The following PRIM2 variants were observed in gnomAD, a reference collection of about 807,000 sequenced individuals.
PRIM2 encodes the protein DNA primase subunit 2.
PRIM2 carries 39 observed loss-of-function variants against 67.3 expected under a neutral mutation model. The ratio of observed to expected loss-of-function variants is 0.58; its 90% CI spans 0.45 to 0.76. The LOEUF is 0.76. Among genes scored for constraint, PRIM2 ranks in the 30% least tolerant of loss-of-function variants. The pLI, the probability that PRIM2 is intolerant of heterozygous loss-of-function variation, is 0.00. For missense variants in PRIM2, 398 were observed against 598.7 expected, an observed-to-expected ratio of 0.66 and a Z score of 3.50; for synonymous variants, 143 against 198.7, an observed-to-expected ratio of 0.72 and a Z score of 2.36.
intron 13 of PRIM2, among the ~76,000 whole-genome samples, chr6:57,634,134 T>G (rs1216188796): frequency 2.0e-5 from 3 of 152,222 alleles, no homozygotes; most frequent in Admixed American, 6.5e-5. Flanking sequence ...CTAAAGCTTG[T>G]GAGCATAACT....
chr6:57,525,435 T>A (rs1187020253), intron 8 of PRIM2, among the ~76,000 whole-genome samples: 6 of 152,188 alleles, frequency 3.9e-5, no homozygotes, highest in Admixed American at 3.9e-4. Flanking sequence ...AAGCTTAAAC[T>A]ATTTTCCAAC....
chr6:57,556,485 C>A (rs1278590445), intron 10 of PRIM2, among the ~76,000 whole-genome samples: 1 of 152,130 alleles, frequency 6.6e-6, no homozygotes, highest in Non-Finnish European at 1.5e-5. Context: ...AATAAGGCTG[C>A]ACACCTACGA....
At chr6:57,316,284 C>T (rs1483263818), upstream of PRIM2, among the ~76,000 whole-genome samples, 2 of 152,106 alleles carry the variant, frequency 1.3e-5, no homozygotes, top group Non-Finnish European at 1.5e-5. Flanking sequence ...ATTAGCCAGG[C>T]GCCTGTAATC....
intron 5 of PRIM2, among the ~76,000 whole-genome samples, chr6:57,339,326 G>T (rs1458459090): frequency 6.6e-6 from 1 of 152,074 alleles, no homozygotes; most frequent in Non-Finnish European, 1.5e-5. Flanking sequence ...AGCTGCCAAT[G>T]ACTTTCTTCA....
At chr6:57,512,732 G>A (rs1774396545) in intron 8 of PRIM2, among the ~76,000 whole-genome samples, 1 of 152,040 alleles carries the variant, frequency 6.6e-6, no homozygotes, top group Non-Finnish European at 1.5e-5. Context: ...TAAGTAGCTG[G>A]GACTACAGGC....
intron 7 of PRIM2, among the ~76,000 whole-genome samples, chr6:57,425,851 A>G (rs9475940): frequency 0.027 from 4,058 of 152,180 alleles, 160 homozygotes; most frequent in African/African-American, 0.092. Flanking sequence ...GTGGTCAGTT[A>G]AAGTATGGTA....
chr6:57,456,036 C>T (rs1341242602), intron 7 of PRIM2, among the ~76,000 whole-genome samples: 202 of 152,160 alleles, frequency 1.3e-3, no homozygotes, highest in African/African-American at 4.6e-3. Flanking sequence ...ATTTCTCCTT[C>T]ACTTATGAAG....
chr6:57,590,211 A>C (rs1371908778), intron 10 of PRIM2, among the ~76,000 whole-genome samples: 3 of 145,706 alleles, frequency 2.1e-5, no homozygotes, highest in Non-Finnish European at 1.6e-5. Context: ...GATACCCAAA[A>C]AGCAAGCAGA....
At chr6:57,447,156 A>T (rs1385180335) in intron 7 of PRIM2, among the ~76,000 whole-genome samples, 6 of 152,244 alleles carry the variant, frequency 3.9e-5, no homozygotes, top group Non-Finnish European at 7.3e-5. Context: ...GATACATGAA[A>T]ATTGAGAGTG....
intron 7 of PRIM2, among the ~76,000 whole-genome samples, chr6:57,431,045 A>G (rs1771810360): frequency 6.6e-6 from 1 of 152,210 alleles, no homozygotes; most frequent in Non-Finnish European, 1.5e-5. Flanking sequence ...TTTAGGTTAT[A>G]TAATTTTAGG....
chr6:57,461,747 C>T (rs549948640), intron 7 of PRIM2, among the ~76,000 whole-genome samples: 5 of 152,040 alleles, frequency 3.3e-5, no homozygotes, highest in East Asian at 1.9e-4. Flanking sequence ...TTCCCAGAAT[C>T]GAATTAGCTA....
At chr6:57,446,879 A>G (rs1490116827) in intron 7 of PRIM2, among the ~76,000 whole-genome samples, 2 of 152,176 alleles carry the variant, frequency 1.3e-5, no homozygotes, top group Non-Finnish European at 2.9e-5. Flanking sequence ...ATGGAAGGGA[A>G]GGTAGAAGTT....
At chr6:57,583,314 G>T (rs1425176513) in intron 10 of PRIM2, among the ~76,000 whole-genome samples, 2 of 130,658 alleles carry the variant, frequency 1.5e-5, no homozygotes, top group African/African-American at 5.8e-5. Flanking sequence ...ATCTCCCAAT[G>T]CTATCCCTCC....
At chr6:57,243,778 A>T in the PRIM2 span, among the ~76,000 whole-genome samples, 1 of 152,150 alleles carries the variant, frequency 6.6e-6, no homozygotes, top group Admixed American at 6.6e-5. Context: ...CCTGGCCAGG[A>T]TTTAGTTTTT....
the PRIM2 span, among the ~76,000 whole-genome samples, chr6:57,240,353 G>A: frequency 8.0e-4 from 122 of 152,090 alleles, no homozygotes; most frequent in Middle Eastern, 3.4e-3. Flanking sequence ...CTCCTGCCTC[G>A]GCCTCCCAAA....
the PRIM2 span, among the ~76,000 whole-genome samples, chr6:57,272,698 G>A: frequency 3.0e-4 from 46 of 152,288 alleles, no homozygotes; most frequent in African/African-American, 1.1e-3. Flanking sequence ...TTGCTCGTTA[G>A]TTGATGCAGT....
intron 3 of PRIM2, among the ~76,000 whole-genome samples, chr6:57,322,692 G>A (rs947798157): frequency 1.2e-4 from 19 of 152,118 alleles, no homozygotes; most frequent in African/African-American, 4.6e-4. Context: ...TCAGTCTTGG[G>A]TATGTCTTTA....
chr6:57,395,094 G>C (rs555645526), intron 7 of PRIM2, among the ~76,000 whole-genome samples: 1 of 152,246 alleles, frequency 6.6e-6, no homozygotes, highest in South Asian at 2.1e-4. Flanking sequence ...TAGCAGCTAT[G>C]TTCATCAAGG....
At chr6:57,555,846 C>A (rs1255302627) in intron 10 of PRIM2, among the ~76,000 whole-genome samples, 2 of 152,138 alleles carry the variant, frequency 1.3e-5, no homozygotes, top group Admixed American at 6.5e-5. Context: ...TTGCTGAACA[C>A]CTGGCTAAAT....
Sources: allele counts gnomAD v4.1 joint callset (sites outside exome capture counted in the v4.1 genomes callset), GRCh38; gene constraint gnomAD v4.1.1; transcripts MANE v1.5; gene names NCBI Gene and HGNC (gene_info 2026-07-23, HGNC 2026-07-21).